Variants in IRAK1BP1 observed in about 807,000 individuals in gnomAD.
The protein encoded by IRAK1BP1 is interleukin 1 receptor associated kinase 1 binding protein 1.
A neutral mutation model predicts 28.0 loss-of-function variants in IRAK1BP1; 24 were observed. That is an observed-to-expected ratio of 0.86 (90% confidence interval 0.62 to 1.20). IRAK1BP1 has a LOEUF of 1.20. IRAK1BP1 is among the 50% of genes most tolerant of loss of function. The pLI is 0.00. For missense variants in IRAK1BP1, 336 were observed against 316.7 expected, an observed-to-expected ratio of 1.06 and a Z score of -0.46; for synonymous variants, 131 against 116.3, an observed-to-expected ratio of 1.13 and a Z score of -0.81.
In IRAK1BP1 at chr6:78,900,702, A is replaced by G. The variant is rs1772065610; in HGVS notation, c.*2368A>G. The G allele has an allele frequency of 2.0e-5, 3 of 152,228 alleles. No homozygotes were observed. The highest frequency in any genetic ancestry group is 2.0e-4 in the Admixed American group (3 of 15,278). 9.4% of individuals were successfully genotyped at this position (152,228 alleles called of 1,614,324 possible). ...AGCTGGATAAAAGGCAAGTTACTTT[A>G]ATCTCTTTAATCTTCCTTTGTCCTT... On this transcript the variant is annotated 3_prime_UTR_variant, in exon 4 of 4. Coordinates refer to ENST00000369940, the MANE Select transcript of IRAK1BP1 (RefSeq NM_001010844.4).
chr6:78,958,616 T>C, the IRAK1BP1 span: 9 of 1,492,946 alleles, frequency 6.0e-6, no homozygotes, highest in African/African-American at 2.8e-5. Flanking sequence ...AAAAACAAAA[T>C]ATAGAAGTTT....
chr6:78,882,950 T>C (rs1771282811), intron 1 of IRAK1BP1, among the ~76,000 whole-genome samples: 1 of 152,122 alleles, frequency 6.6e-6, no homozygotes, highest in South Asian at 2.1e-4. Flanking sequence ...TATTTCAAAA[T>C]TAAAAGTTTA....
At chr6:78,945,302 T>C in intron 4 of IRAK1BP1, 1 of 1,600,696 alleles carries the variant, frequency 6.2e-7, no homozygotes, top group East Asian at 2.2e-5. Context: ...TACCTTACCT[T>C]GCTCAATGAC....
intron 1 of IRAK1BP1, among the ~76,000 whole-genome samples, chr6:78,878,542 G>T (rs1771097159): frequency 6.6e-6 from 1 of 152,300 alleles, no homozygotes; most frequent in African/African-American, 2.4e-5. Flanking sequence ...AAGATGGGGA[G>T]AAACCAGAGC....
chr6:78,926,615 G>T (rs1562100973), intron 4 of IRAK1BP1, among the ~76,000 whole-genome samples: 1 of 151,990 alleles, frequency 6.6e-6, no homozygotes. Context: ...TAGTCACCCT[G>T]TTGTGCTATC....
exon 5 of IRAK1BP1, chr6:78,945,898 G>T: frequency 1.3e-6 from 1 of 797,898 alleles, no homozygotes; most frequent in Non-Finnish European, 2.0e-6. Context: ...AAACAACAGT[G>T]TCTGCTAGGA....
At position 78,941,233 on chromosome 6, in the gene IRAK1BP1, T is replaced by G. The variant is rs766102589; in HGVS notation, c.*68-4175T>G. On this transcript the variant is annotated intron_variant and NMD_transcript_variant, in intron 4 of 4. Coordinates refer to the IRAK1BP1 transcript ENST00000606868. Reference sequence around the variant, plus strand: ...TATTGGTATTAACTTCTACTTTAGGTTTCCTTCCAGGTCCCCTCTTCACAA... The same window carrying G: ...TATTGGTATTAACTTCTACTTTAGGGTTCCTTCCAGGTCCCCTCTTCACAA... The G allele has an allele frequency of 6.2e-7, 1 of 1,613,962 alleles. No homozygotes were observed. Among genetic ancestry groups the G allele is most frequent in the African/African-American group, 1.3e-5 (1 of 75,042 alleles).
intron 1 of IRAK1BP1, among the ~76,000 whole-genome samples, chr6:78,882,219 C>T (rs1048607220): frequency 5.3e-5 from 8 of 151,944 alleles, no homozygotes; most frequent in African/African-American, 1.7e-4. Flanking sequence ...TATCTTGCAA[C>T]AGAAAGTAAG....
chr6:78,883,554 A>C lies in IRAK1BP1; in HGVS notation c.316-1824A>C, dbSNP rs549599955. 2.0e-5 allele frequency among the ~76,000 whole-genome samples: 3 copies of C among 152,230 alleles called. No homozygotes were observed. In the East Asian group the frequency reaches 5.8e-4, roughly 29 times the overall value. On this transcript the variant is annotated intron_variant, in intron 1 of 3. Transcript: ENST00000369940. Reference sequence around the variant, plus strand: ...ATCTCTCTAATAATTTTTCAATCAGAAGTTTATCAAGTGAAGTGGGAGAAA... The same window carrying C: ...ATCTCTCTAATAATTTTTCAATCAGCAGTTTATCAAGTGAAGTGGGAGAAA...
At chr6:78,888,016 T>TGTG (rs1382724380) in intron 2 of IRAK1BP1, among the ~76,000 whole-genome samples, 16 of 67,866 alleles carry the variant, frequency 2.4e-4, no homozygotes, top group African/African-American at 8.0e-4. Context: ...TGAAATATTA[T>TGTG]TTAGCCTTAA....
chr6:78,946,097 C>T, exon 5 of IRAK1BP1: 1 of 1,613,844 alleles, frequency 6.2e-7, no homozygotes, highest in Non-Finnish European at 8.5e-7. Flanking sequence ...GGATCTACAA[C>T]CACTCGGTTG....
chr6:78,890,186 C>T (rs182468956), intron 2 of IRAK1BP1, among the ~76,000 whole-genome samples: 62 of 151,624 alleles, frequency 4.1e-4, no homozygotes, highest in African/African-American at 1.2e-3. Flanking sequence ...AATCAAACAC[C>T]GCATGTTCTC....
chr6:78,903,172 T>C (rs1419208709), downstream of IRAK1BP1: 15 of 901,514 alleles, frequency 1.7e-5, no homozygotes, highest in Non-Finnish European at 2.5e-5. Flanking sequence ...CTGTATTCTT[T>C]GCTACATAGG....
chr6:78,880,747 A>G (rs1025545480), intron 1 of IRAK1BP1, among the ~76,000 whole-genome samples: 1 of 152,226 alleles, frequency 6.6e-6, no homozygotes, highest in Non-Finnish European at 1.5e-5. Flanking sequence ...CAAGGAACTT[A>G]TACAGATGGC....
the IRAK1BP1 span, among the ~76,000 whole-genome samples, chr6:78,979,329 C>A: frequency 1.3e-4 from 19 of 151,978 alleles, no homozygotes; most frequent in Non-Finnish European, 2.6e-4. Flanking sequence ...CAAGATATCC[C>A]CACAAACCCC....
chr6:78,885,577 G>T, intron 2 of IRAK1BP1, 134 bp downstream of exon 2: 1 of 500,426 alleles, frequency 2.0e-6, no homozygotes, highest in Non-Finnish European at 3.6e-6. Context: ...AATCATCTTG[G>T]TGTTATATAT....
exon 5 of IRAK1BP1, chr6:78,946,182 T>A (rs138677987): frequency 6.2e-7 from 1 of 1,613,904 alleles, no homozygotes; most frequent in Non-Finnish European, 8.5e-7. Flanking sequence ...GCGGTATTGA[T>A]CGTGTAGGTG....
rs1208779541 is a variant in IRAK1BP1, at chr6:78,945,482, A to G, written c.*142A>G. On this transcript the variant is annotated 3_prime_UTR_variant and NMD_transcript_variant, in exon 5 of 5. Coordinates refer to the IRAK1BP1 transcript ENST00000606868. ...AGTATTCAAAGCTTTGGAATGTTTCACAGAATTCTCTAGTACTAAAACATA... is the reference window on the plus strand; with the variant it reads ...AGTATTCAAAGCTTTGGAATGTTTCGCAGAATTCTCTAGTACTAAAACATA... The G allele has an allele frequency of 1.9e-6, 3 of 1,604,804 alleles. No individual in the cohort carries two copies. The Admixed American group carries it at 5.0e-5, about 27-fold the overall frequency.
chr6:78,935,509 T>C, intron 4 of IRAK1BP1: 1 of 979,388 alleles, frequency 1.0e-6, no homozygotes, highest in Non-Finnish European at 1.2e-6. Flanking sequence ...TCCACTGAAA[T>C]GTATCTCTTA....
Sources: gnomAD v4.1 joint callset for allele counts (sites outside exome capture counted in the v4.1 genomes callset) on GRCh38, gnomAD v4.1.1 for gene constraint, MANE v1.5 for transcripts, NCBI Gene and HGNC (gene_info 2026-07-23, HGNC 2026-07-21) for gene names.